The following UBE3D variants were observed in gnomAD, a reference collection of about 807,000 sequenced individuals.
UBE3D encodes the protein ubiquitin protein ligase E3D.
UBE3D carries 48 observed loss-of-function variants against 49.6 expected under a neutral mutation model. The observed-to-expected ratio is 0.97, with a 90% CI of 0.77 to 1.23. The LOEUF is 1.23. UBE3D is among the 50% of genes most tolerant of loss of function. UBE3D has a pLI of 0.00. For missense variants in UBE3D, 452 were observed against 468.4 expected, an observed-to-expected ratio of 0.96 and a Z score of 0.32; for synonymous variants, 189 against 174.2, an observed-to-expected ratio of 1.08 and a Z score of -0.67.
At chr6:83,025,195 G>A (rs1432580955) in intron 5 of UBE3D, among the ~76,000 whole-genome samples, 1 of 152,152 alleles carries the variant, frequency 6.6e-6, no homozygotes, top group Non-Finnish European at 1.5e-5. Flanking sequence ...CTGAAAAGGG[G>A]TTTTTAATCA....
In UBE3D at chr6:82,960,561, T is replaced by A. The variant is rs948526048; in HGVS notation, c.1011-3111A>T. ...TATAAGAACTTGCCTAATACCATAC[T>A]TATATCACTTACATACTAGTAAGGC... On this transcript the variant is annotated intron_variant, in intron 8 of 9. Transcript: ENST00000369747. 5.9e-5 allele frequency among the ~76,000 whole-genome samples: 9 copies of A among 151,596 alleles called. No homozygotes were observed. The East Asian group carries it at 1.2e-3, about 20-fold the overall frequency.
chr6:82,995,490 T>TCTCACACACACA (rs140747831), intron 8 of UBE3D, among the ~76,000 whole-genome samples: 15 of 138,182 alleles, frequency 1.1e-4, no homozygotes, highest in Admixed American at 2.1e-4. Context: ...ATACTAACAA[T>TCTCACACACACA]CACACACACA....
chr6:83,034,735 GC>G lies in UBE3D; in HGVS notation c.667+3680del, dbSNP rs202040214. On this transcript the variant is annotated intron_variant, in intron 5 of 9. Coordinates refer to ENST00000369747, the MANE Select transcript of UBE3D (RefSeq NM_198920.3). ...CTGCCATGACTGTAAGTTTCCTGAG[GC>G]CTTCCCAGCCATATAGAACTGTGAG... 9.7e-3 allele frequency among the ~76,000 whole-genome samples: 1,472 copies of G among 152,112 alleles called. 22 individuals are homozygous for G. Among genetic ancestry groups the G allele is most frequent in the African/African-American group, 0.034 (1,396 of 41,502 alleles).
rs186483466 is a variant in UBE3D, at chr6:82,999,880, A to G, written c.1010+19093T>C. On this transcript the variant is annotated intron_variant, in intron 8 of 9. Transcript: ENST00000369747. ...CCCCAGCTCTCATCCCAGGCACCCA[A>G]GATAATTCCTGTAAAAGTCACTAAT... Among the ~76,000 whole-genome samples, 138 of 152,282 alleles carry G rather than the reference A, an allele frequency of 9.1e-4. 1 individual carries two copies. The highest frequency in any genetic ancestry group is 1.5e-3 in the Non-Finnish European group (104 of 68,030).
At chr6:83,018,950 GA>G (rs764413789) in intron 8 of UBE3D, 22 bp downstream of exon 8, 2 of 1,610,022 alleles carry the variant, frequency 1.2e-6, no homozygotes, top group Admixed American at 3.4e-5. Context: ...AATGTGGAAA[GA>G]GAAAACAAAT....
intron 9 of UBE3D, among the ~76,000 whole-genome samples, chr6:82,931,996 T>C (rs1451376588): frequency 6.6e-6 from 1 of 152,142 alleles, no homozygotes; most frequent in Non-Finnish European, 1.5e-5. Flanking sequence ...CTCCTGATAG[T>C]GAGTGAGTTC....
chr6:83,043,479 T>C (rs1206151777), intron 4 of UBE3D, among the ~76,000 whole-genome samples: 1 of 152,182 alleles, frequency 6.6e-6, no homozygotes, highest in African/African-American at 2.4e-5. Context: ...GTTTACAGTG[T>C]AAAATGAGGC....
intron 9 of UBE3D, among the ~76,000 whole-genome samples, chr6:82,933,643 T>C (rs1774331664): frequency 6.6e-6 from 1 of 152,248 alleles, no homozygotes; most frequent in Non-Finnish European, 1.5e-5. Context: ...TTGCCTTTTT[T>C]ACTCACAAAG....
intron 8 of UBE3D, among the ~76,000 whole-genome samples, chr6:82,976,478 T>G (rs1777725470): frequency 6.6e-6 from 1 of 152,202 alleles, no homozygotes; most frequent in Non-Finnish European, 1.5e-5. Context: ...TGCTCCGAGA[T>G]TCTTTCAGAA....
chr6:83,050,581 G>T (rs951279567), intron 3 of UBE3D, among the ~76,000 whole-genome samples: 1 of 152,104 alleles, frequency 6.6e-6, no homozygotes, highest in African/African-American at 2.4e-5. Context: ...GTTGATTTGG[G>T]GCACATACAT....
chr6:82,887,389 G>GTTTTTGTTTTGT, the UBE3D span, among the ~76,000 whole-genome samples: 160 of 98,284 alleles, frequency 1.6e-3, 1 homozygote, highest in African/African-American at 8.0e-3. Context: ...GACAGTAACA[G>GTTTTTGTTTTGT]TTTTTTTTTT....
At chr6:82,974,276 C>T (rs574276380) in intron 8 of UBE3D, among the ~76,000 whole-genome samples, 17 of 152,184 alleles carry the variant, frequency 1.1e-4, no homozygotes, top group African/African-American at 3.9e-4. Flanking sequence ...GTCCCTTGTG[C>T]CGAAAAGGTT....
At chr6:83,020,822 T>A (rs928412038) in intron 7 of UBE3D, among the ~76,000 whole-genome samples, 11 of 152,192 alleles carry the variant, frequency 7.2e-5, no homozygotes, top group African/African-American at 2.7e-4. Flanking sequence ...TATGTTTCCC[T>A]ATTAGCTTTT....
intron 4 of UBE3D, among the ~76,000 whole-genome samples, chr6:83,040,128 T>C (rs1782556184): frequency 6.6e-6 from 1 of 152,112 alleles, no homozygotes; most frequent in Non-Finnish European, 1.5e-5. Context: ...CTCACACCTG[T>C]AATCCCAGCA....
At chr6:83,056,258 T>C (rs187734833) in intron 2 of UBE3D, among the ~76,000 whole-genome samples, 1 of 152,274 alleles carries the variant, frequency 6.6e-6, no homozygotes, top group Admixed American at 6.5e-5. Context: ...TATTCCTCCA[T>C]CTCTAAAATC....
intron 8 of UBE3D, among the ~76,000 whole-genome samples, chr6:82,958,025 G>A (rs915256371): frequency 1.2e-4 from 18 of 152,272 alleles, no homozygotes; most frequent in Admixed American, 9.8e-4. Flanking sequence ...GGAAAGGTTG[G>A]CAGGAGGCCT....
chr6:82,959,021 G>T lies in UBE3D; in HGVS notation c.1011-1571C>A, dbSNP rs545662857. 3.3e-5 allele frequency among the ~76,000 whole-genome samples: 5 copies of T among 152,082 alleles called. No homozygotes were observed. In the South Asian group the frequency reaches 1.0e-3, roughly 32 times the overall value. The stretch of plus-strand genomic sequence containing the variant: ...AAGATAAGGTAAATATGTTTATTTG[G>T]GTCCACTGCAGTCTCCAATTCCAAG... On this transcript the variant is annotated intron_variant, in intron 8 of 9. Coordinates refer to ENST00000369747, the MANE Select transcript of UBE3D (RefSeq NM_198920.3).
intron 8 of UBE3D, chr6:83,018,666 A>C (rs1780862397): frequency 3.6e-6 from 1 of 277,974 alleles, no homozygotes; most frequent in African/African-American, 2.3e-5. Context: ...TGATGCCTGG[A>C]AAGTGCTTAT....
At chr6:83,065,560 TAC>T in intron 1 of UBE3D, 80 bp downstream of exon 1, 1 of 1,338,566 alleles carries the variant, frequency 7.5e-7, no homozygotes, top group Non-Finnish European at 1.1e-6. Context: ...AAATCCCTCG[TAC>T]AGAGAGAGAC....
Sources: allele counts gnomAD v4.1 joint callset (sites outside exome capture counted in the v4.1 genomes callset), GRCh38; gene constraint gnomAD v4.1.1; transcripts MANE v1.5; gene names NCBI Gene and HGNC (gene_info 2026-07-23, HGNC 2026-07-21).